Variants in PATJ observed in about 807,000 individuals in gnomAD.
PATJ encodes the protein PATJ crumbs cell polarity complex component.
PATJ carries 190 observed loss-of-function variants against 224.9 expected under a neutral mutation model. The observed-to-expected ratio is 0.84, with a 90% CI of 0.75 to 0.95. The LOEUF (loss-of-function observed/expected upper bound fraction) is 0.95, where lower values mean the gene tolerates loss of function less well. Among genes scored for constraint, PATJ ranks in the 40% least tolerant of loss-of-function variants. The pLI is 0.00. For missense variants in PATJ, 2,121 were observed against 2,270.3 expected (o/e 0.93, Z 1.34); for synonymous variants, 769 against 820.3 (o/e 0.94, Z 1.07).
intron 20 of PATJ, among the ~76,000 whole-genome samples, chr1:61,871,482 T>TGC (rs1229344584): frequency 1.2e-3 from 32 of 27,264 alleles, no homozygotes; most frequent in East Asian, 4.1e-3. Flanking sequence ...TACATATATA[T>TGC]GTGTATATAT....
chr1:62,105,584 G>C (rs376221952), intron 33 of PATJ, among the ~76,000 whole-genome samples: 1 of 152,106 alleles, frequency 6.6e-6, no homozygotes, highest in Non-Finnish European at 1.5e-5. Flanking sequence ...ACAGTTCAGA[G>C]AAACAAACTC....
In PATJ at chr1:61,961,971, G is replaced by GAAAAAA. The variant is rs371746015; in HGVS notation, c.3671-28188_3671-28183dup. 1.3e-4 allele frequency among the ~76,000 whole-genome samples: 15 copies of GAAAAAA among 113,170 alleles called. 1 individual carries two copies. The highest frequency in any genetic ancestry group is 9.8e-3 in the Middle Eastern group (2 of 204). 74.2% of individuals were successfully genotyped at this position (113,170 alleles called of 152,430 possible). A position where few individuals can be genotyped will look rare whatever the true frequency, so the allele number is the denominator to read the frequency against. On this transcript the variant is annotated intron_variant, in intron 27 of 43. Coordinates refer to ENST00000642238, the MANE Select transcript of PATJ (RefSeq NM_001350145.3). ...GCGACAAGAATGAAACTCCGTCTTAGAAAAAAAAAAAAAAGAAAGAAAAGA... is the reference window on the plus strand; with the variant it reads ...GCGACAAGAATGAAACTCCGTCTTAGAAAAAAAAAAAAAAAAAAAAGAAAGAAAAGA...
At chr1:61,948,482 A>G (rs28894686) in intron 27 of PATJ, among the ~76,000 whole-genome samples, 2,829 of 152,354 alleles carry the variant, frequency 0.019, 111 homozygotes, top group African/African-American at 0.065. Flanking sequence ...ATCACTGGCC[A>G]TCAGAGAAAT....
chr1:61,861,465 G>A, intron 18 of PATJ, 86 bp from the exon 19 acceptor site: 1 of 652,358 alleles, frequency 1.5e-6, no homozygotes, highest in Non-Finnish European at 2.7e-6. Flanking sequence ...GTGTGCATTA[G>A]GTATTTGTCC....
intron 25 of PATJ, among the ~76,000 whole-genome samples, chr1:61,910,280 T>G (rs890363529): frequency 6.6e-6 from 1 of 152,180 alleles, no homozygotes; most frequent in African/African-American, 2.4e-5. Context: ...TGAGCTGAGG[T>G]GGAAACTTTT....
intron 31 of PATJ, among the ~76,000 whole-genome samples, chr1:62,064,057 G>A (rs542087562): frequency 6.6e-6 from 1 of 152,296 alleles, no homozygotes; most frequent in Admixed American, 6.5e-5. Flanking sequence ...AGTGGTGAGA[G>A]TGGGCATCCT....
chr1:61,835,695 C>T (rs937061464), intron 17 of PATJ, among the ~76,000 whole-genome samples: 5 of 152,022 alleles, frequency 3.3e-5, no homozygotes, highest in Admixed American at 1.3e-4. Context: ...TGAGCTACCA[C>T]GCCCAGCCTA....
chr1:61,798,728 CA>C (rs1050746367), intron 11 of PATJ, among the ~76,000 whole-genome samples: 1 of 151,368 alleles, frequency 6.6e-6, no homozygotes, highest in Non-Finnish European at 1.5e-5. Flanking sequence ...CCCTTCTCTA[CA>C]AAAAATTAAA....
At chr1:62,125,244 A>AAAAAAAAAAG (rs1665560001) in intron 39 of PATJ, among the ~76,000 whole-genome samples, 1 of 115,210 alleles carries the variant, frequency 8.7e-6, no homozygotes, top group African/African-American at 3.4e-5. Context: ...CTCAAAAAAA[A>AAAAAAAAAAG]AAAAAAAAAC....
intron 21 of PATJ, 149 bp from the exon 22 acceptor site, chr1:61,884,088 T>C: frequency 2.2e-6 from 1 of 458,758 alleles, no homozygotes; most frequent in African/African-American, 2.0e-5. Flanking sequence ...TCATCTGATA[T>C]ATTAAAGCCT....
chr1:61,838,861 C>T (rs1282954685), intron 17 of PATJ, among the ~76,000 whole-genome samples: 1 of 152,114 alleles, frequency 6.6e-6, no homozygotes, highest in Admixed American at 6.5e-5. Context: ...ATTACTGATA[C>T]TCCCACTAGT....
intron 39 of PATJ, among the ~76,000 whole-genome samples, chr1:62,123,512 C>G (rs1247225031): frequency 1.9e-5 from 2 of 105,352 alleles, no homozygotes; most frequent in Non-Finnish European, 1.7e-5. Flanking sequence ...GAGTCTTGCT[C>G]TGTCACCCAG....
chr1:62,037,627 G>A (rs1650683778), intron 29 of PATJ, among the ~76,000 whole-genome samples: 2 of 152,078 alleles, frequency 1.3e-5, no homozygotes, highest in Admixed American at 1.3e-4. Context: ...GGTTGCACAT[G>A]GCCATTTGAA....
intron 24 of PATJ, among the ~76,000 whole-genome samples, chr1:61,903,596 A>G (rs1671480029): frequency 6.6e-6 from 1 of 152,000 alleles, no homozygotes; most frequent in Non-Finnish European, 1.5e-5. Flanking sequence ...TTTGTTTGCT[A>G]TTCTTTGTAA....
At chr1:61,999,072 A>G (rs1645585548) in intron 28 of PATJ, among the ~76,000 whole-genome samples, 2 of 151,662 alleles carry the variant, frequency 1.3e-5, no homozygotes, top group Non-Finnish European at 2.9e-5. Context: ...TGATTGAAGA[A>G]GCAGATTACT....
intron 1 of PATJ, among the ~76,000 whole-genome samples, chr1:61,756,669 C>A (rs986276966): frequency 1.3e-5 from 2 of 150,190 alleles, no homozygotes; most frequent in African/African-American, 2.5e-5. Flanking sequence ...ACCTCTGCCT[C>A]CCGGGTTCAA....
At chr1:61,751,959 A>G (rs756892585) in intron 1 of PATJ, among the ~76,000 whole-genome samples, 1 of 151,974 alleles carries the variant, frequency 6.6e-6, no homozygotes, top group Non-Finnish European at 1.5e-5. Flanking sequence ...ATTAACATGG[A>G]AAAATCTTAT....
intron 27 of PATJ, among the ~76,000 whole-genome samples, chr1:61,956,515 A>G (rs1244658640): frequency 6.6e-6 from 1 of 152,234 alleles, no homozygotes; most frequent in African/African-American, 2.4e-5. Flanking sequence ...CCATAAAGCA[A>G]AAGATAATGA....
intron 33 of PATJ, among the ~76,000 whole-genome samples, chr1:62,101,163 A>G (rs545104128): frequency 6.6e-6 from 1 of 152,004 alleles, no homozygotes; most frequent in Non-Finnish European, 1.5e-5. Flanking sequence ...AGTGAATACT[A>G]TTTTGAGTAT....
Sources: allele counts gnomAD v4.1 joint callset (sites outside exome capture counted in the v4.1 genomes callset), GRCh38; gene constraint gnomAD v4.1.1; transcripts MANE v1.5; gene names NCBI Gene and HGNC (gene_info 2026-07-23, HGNC 2026-07-21).